Variants in TENM4 observed in about 807,000 individuals in gnomAD.
TENM4 encodes teneurin-4.
Under a neutral mutation model 243.3 loss-of-function variants are expected in TENM4, and 82 were observed. The ratio of observed to expected loss-of-function variants is 0.34; its 90% confidence interval spans 0.28 to 0.40. TENM4 has a LOEUF of 0.40. Ranked by LOEUF, TENM4 falls within the 10% of genes least tolerant of loss-of-function variation. The probability of loss-of-function intolerance (pLI) is 1.00; values close to 1 mark genes in which losing one functional copy is unlikely to be tolerated. For synonymous variants in TENM4, 1,412 were observed against 1,456.3 expected (o/e 0.97, Z 0.69); for missense variants, 3,138 against 3,673.3 (o/e 0.85, Z 3.77).
chr11:79,131,776 A>C (rs1013675922), intron 4 of TENM4, among the ~76,000 whole-genome samples: 2 of 152,164 alleles, frequency 1.3e-5, no homozygotes, highest in Non-Finnish European at 2.9e-5. Flanking sequence ...CTCACCAACC[A>C]TCTGCTGCCT....
At chr11:79,320,711 G>A (rs1028811376) in intron 1 of TENM4, among the ~76,000 whole-genome samples, 1 of 152,154 alleles carries the variant, frequency 6.6e-6, no homozygotes, top group African/African-American at 2.4e-5. Flanking sequence ...CTTATTCTGT[G>A]CCGATAATGA....
At chr11:78,944,161 G>C (rs965219831) in intron 6 of TENM4, among the ~76,000 whole-genome samples, 2 of 152,174 alleles carry the variant, frequency 1.3e-5, no homozygotes, top group Non-Finnish European at 2.9e-5. Context: ...ACTGGGACTG[G>C]AAGCAGAAAT....
intron 2 of TENM4, among the ~76,000 whole-genome samples, chr11:79,222,393 A>C (rs1457996998): frequency 1.3e-5 from 2 of 151,818 alleles, no homozygotes; most frequent in African/African-American, 2.4e-5. Flanking sequence ...ATTTTTTTTC[A>C]TCCAGTCTAT....
chr11:79,371,888 T>C (rs1052904070), intron 1 of TENM4, among the ~76,000 whole-genome samples: 27 of 152,286 alleles, frequency 1.8e-4, no homozygotes, highest in African/African-American at 5.3e-4. Flanking sequence ...ATCCTGATGA[T>C]TGGGGCAAAT....
intron 4 of TENM4, among the ~76,000 whole-genome samples, chr11:79,124,763 A>ATATATATATACACATATATATGTG (rs1861829761): frequency 6.9e-6 from 1 of 144,390 alleles, no homozygotes; most frequent in South Asian, 2.2e-4. Flanking sequence ...TCAAATATAT[A>ATATATATATACACATATATATGTG]TATATATATA....
At chr11:78,671,943 C>T in intron 31 of TENM4, 90 bp downstream of exon 31, 1 of 1,460,560 alleles carries the variant, frequency 6.8e-7, no homozygotes, top group Admixed American at 2.1e-5. Context: ...GGGTCAGATA[C>T]AGCCCACTGA....
chr11:78,754,391 T>C (rs1007555476), intron 19 of TENM4, among the ~76,000 whole-genome samples: 3 of 152,114 alleles, frequency 2.0e-5, no homozygotes, highest in African/African-American at 7.2e-5. Context: ...CAGTGGCTCA[T>C]GGCGCTTAAG....
At chr11:79,365,468 T>A (rs1857660891) in intron 1 of TENM4, among the ~76,000 whole-genome samples, 1 of 152,120 alleles carries the variant, frequency 6.6e-6, no homozygotes, top group South Asian at 2.1e-4. Context: ...GGTGTTAAAA[T>A]CCTACCAGAG....
intron 1 of TENM4, among the ~76,000 whole-genome samples, chr11:79,333,173 A>G (rs517684): frequency 0.36 from 55,395 of 151,880 alleles, 10,345 homozygotes; most frequent in South Asian, 0.55. Flanking sequence ...GTCAAAGTTA[A>G]TATATGATAA....
chr11:79,248,489 G>A lies in TENM4; in HGVS notation c.-264-32580C>T, dbSNP rs144215046. Reference sequence around the variant, plus strand: ...AAGTGTCCCCCACACTTTGGGGAACGTCTATTTTGGGCATCTCAACTGTGT... The same window carrying A: ...AAGTGTCCCCCACACTTTGGGGAACATCTATTTTGGGCATCTCAACTGTGT... On this transcript the variant is annotated intron_variant, in intron 2 of 33. Transcript: ENST00000278550. 1.2e-4 allele frequency among the ~76,000 whole-genome samples: 18 copies of A among 152,264 alleles called. No individual in the cohort carries two copies. The East Asian group carries it at 2.9e-3, about 24-fold the overall frequency.
intron 32 of TENM4, among the ~76,000 whole-genome samples, chr11:78,662,540 T>A (rs1014118941): frequency 2.6e-5 from 4 of 152,164 alleles, no homozygotes; most frequent in Admixed American, 2.6e-4. Flanking sequence ...CCCATAGGCA[T>A]GGGAATAATT....
intron 4 of TENM4, among the ~76,000 whole-genome samples, chr11:79,124,877 ATATATG>A (rs1003517484): frequency 2.9e-4 from 33 of 114,840 alleles, no homozygotes; most frequent in African/African-American, 6.8e-4. Context: ...ATGTATGTGT[ATATATG>A]TATATGTATA....
At chr11:78,874,900 A>G (rs1391245047) in intron 9 of TENM4, among the ~76,000 whole-genome samples, 1 of 152,234 alleles carries the variant, frequency 6.6e-6, no homozygotes, top group East Asian at 1.9e-4. Flanking sequence ...GCTCAAGGGC[A>G]TGATCAATCT....
chr11:78,942,258 C>A (rs981960909), intron 6 of TENM4, among the ~76,000 whole-genome samples: 7 of 18,032 alleles, frequency 3.9e-4, no homozygotes, highest in African/African-American at 1.5e-3. Flanking sequence ...ACAAAATACA[C>A]CAAAAAAAAA....
chr11:78,897,176 T>G (rs114016999), intron 7 of TENM4, among the ~76,000 whole-genome samples: 1,531 of 152,284 alleles, frequency 0.01, 19 homozygotes, highest in African/African-American at 0.034. Flanking sequence ...CCTCCCTGAT[T>G]GGCAACATTT....
chr11:78,710,581 T>C (rs1859375226), intron 26 of TENM4, among the ~76,000 whole-genome samples: 1 of 152,252 alleles, frequency 6.6e-6, no homozygotes, highest in Non-Finnish European at 1.5e-5. Flanking sequence ...CTATGCCCCA[T>C]CTTTCTCTTC....
At chr11:79,234,975 G>A (rs1590815056) in intron 2 of TENM4, among the ~76,000 whole-genome samples, 1 of 152,150 alleles carries the variant, frequency 6.6e-6, no homozygotes, top group African/African-American at 2.4e-5. Flanking sequence ...AAGCCACAGG[G>A]CCTTGTTAAA....
chr11:79,019,645 C>T (rs1489870689), intron 6 of TENM4, among the ~76,000 whole-genome samples: 1 of 152,214 alleles, frequency 6.6e-6, no homozygotes, highest in Non-Finnish European at 1.5e-5. Context: ...ACCCACTATG[C>T]ACTGTGTTCT....
chr11:78,841,020 C>A (rs1858246169), intron 12 of TENM4, among the ~76,000 whole-genome samples: 1 of 152,196 alleles, frequency 6.6e-6, no homozygotes, highest in Non-Finnish European at 1.5e-5. Flanking sequence ...GCTCCTGGGA[C>A]CCTGTAAGCC....
Sources: gnomAD v4.1 joint callset for allele counts (sites outside exome capture counted in the v4.1 genomes callset) on GRCh38, gnomAD v4.1.1 for gene constraint, MANE v1.5 for transcripts, NCBI Gene and HGNC (gene_info 2026-07-23, HGNC 2026-07-21) for gene names.